PCDH11X: variants seen among roughly 807,000 people sequenced by gnomAD.
The protein encoded by PCDH11X is protocadherin-11 X-linked.
Under a neutral mutation model 53.3 loss-of-function variants are expected in PCDH11X, and 18 were observed. The ratio of observed to expected loss-of-function variants is 0.34; its 90% CI spans 0.23 to 0.50. The LOEUF (loss-of-function observed/expected upper bound fraction) is 0.50. Among genes scored for constraint, PCDH11X ranks in the 20% least tolerant of loss-of-function variants. PCDH11X has a pLI of 0.98. For synonymous variants in PCDH11X, 279 were observed against 393.3 expected, an observed-to-expected ratio of 0.71 and a Z score of 3.44; for missense variants, 570 against 1,032.4, an observed-to-expected ratio of 0.55 and a Z score of 6.14.
chrX:92,186,821 A>C (rs754282071), intron 6 of PCDH11X, among the ~76,000 whole-genome samples: 78 of 110,651 alleles, frequency 7.0e-4, no homozygotes, highest in Non-Finnish European at 1.0e-3. Flanking sequence ...TAAAAGAGAG[A>C]GTTTTGAATG....
intron 8 of PCDH11X, among the ~76,000 whole-genome samples, chrX:92,280,589 A>T (rs1312712700): frequency 3.6e-5 from 4 of 110,305 alleles, no homozygotes; most frequent in Non-Finnish European, 7.6e-5. Context: ...TCATTAACTG[A>T]CATATGAGTA....
intron 6 of PCDH11X, among the ~76,000 whole-genome samples, chrX:91,973,241 G>A (rs1438884431): frequency 2.3e-5 from 2 of 88,847 alleles, no homozygotes; most frequent in Non-Finnish European, 4.3e-5. Flanking sequence ...TGAACAATGA[G>A]ATCACATGGA....
intron 6 of PCDH11X, among the ~76,000 whole-genome samples, chrX:92,023,410 C>T (rs937150935): frequency 4.6e-5 from 5 of 109,148 alleles, no homozygotes; most frequent in South Asian, 4.1e-4. Context: ...ACTAGCAAAC[C>T]GAGAAGAAAT....
chrX:91,867,204 T>C (rs2524518), intron 5 of PCDH11X, among the ~76,000 whole-genome samples: 4 of 111,819 alleles, frequency 3.6e-5, no homozygotes, highest in Non-Finnish European at 7.5e-5. Flanking sequence ...TTATATTCAC[T>C]GCACTTGAAG....
At chrX:91,919,733 T>C (rs1226359706) in intron 6 of PCDH11X, among the ~76,000 whole-genome samples, 1 of 111,184 alleles carries the variant, frequency 9.0e-6, no homozygotes, top group Non-Finnish European at 1.9e-5. Context: ...TATCTCCTTG[T>C]CACATTCTTA....
intron 6 of PCDH11X, among the ~76,000 whole-genome samples, chrX:92,052,917 A>C (rs2063387597): frequency 8.9e-6 from 1 of 111,764 alleles, no homozygotes; most frequent in African/African-American, 3.2e-5. Flanking sequence ...ATTAAAGTCA[A>C]AAAATAAATT....
chrX:92,439,788 A>T (rs2072470620), intron 9 of PCDH11X, among the ~76,000 whole-genome samples: 1 of 104,346 alleles, frequency 9.6e-6, no homozygotes, highest in Non-Finnish European at 2.0e-5. Context: ...CTACTTGTGC[A>T]TTGGAGACAG....
intron 7 of PCDH11X, among the ~76,000 whole-genome samples, chrX:92,237,988 A>G (rs188431041): frequency 7.2e-4 from 81 of 111,727 alleles, no homozygotes; most frequent in African/African-American, 2.5e-3. Context: ...TCAGTCATGA[A>G]CACAGCAAGC....
chrX:92,491,193 A>C (rs1247851723), intron 10 of PCDH11X, among the ~76,000 whole-genome samples: 1 of 110,974 alleles, frequency 9.0e-6, no homozygotes, highest in African/African-American at 3.3e-5. Context: ...AATTTCATTA[A>C]AGTAGTTTAA....
chrX:91,822,605 T>C (rs1347824314), intron 4 of PCDH11X, among the ~76,000 whole-genome samples: 1 of 103,087 alleles, frequency 9.7e-6, no homozygotes, highest in African/African-American at 3.6e-5. Context: ...TCAATTTTGT[T>C]GATCCTTTCA....
intron 7 of PCDH11X, among the ~76,000 whole-genome samples, chrX:92,205,830 A>T (rs1278107617): frequency 9.0e-6 from 1 of 110,604 alleles, no homozygotes; most frequent in African/African-American, 3.3e-5. Flanking sequence ...TGAACTCCTG[A>T]CCTCAGGTGA....
At chrX:92,594,207 G>A (rs1203926158) in intron 10 of PCDH11X, among the ~76,000 whole-genome samples, 2 of 104,244 alleles carry the variant, frequency 1.9e-5, no homozygotes, top group African/African-American at 3.5e-5. Context: ...CAGTTACTTG[G>A]GATTTGTTTT....
At chrX:91,981,319 T>C (rs1206867084) in intron 6 of PCDH11X, among the ~76,000 whole-genome samples, 3 of 109,744 alleles carry the variant, frequency 2.7e-5, no homozygotes, top group Non-Finnish European at 5.7e-5. Context: ...CACTGGTTCC[T>C]ATCTGGGCTA....
At chrX:92,269,912 T>C (rs1214666117) in intron 8 of PCDH11X, among the ~76,000 whole-genome samples, 1 of 111,084 alleles carries the variant, frequency 9.0e-6, no homozygotes, top group African/African-American at 3.3e-5. Flanking sequence ...TTCTGCTTCC[T>C]ACATCCAAAC....
chrX:92,573,477 C>G (rs1406845676), intron 10 of PCDH11X, among the ~76,000 whole-genome samples: 1 of 111,042 alleles, frequency 9.0e-6, no homozygotes, highest in African/African-American at 3.3e-5. Flanking sequence ...GTATCATGAA[C>G]CATGTGCAGC....
At chrX:92,044,260 T>C (rs1306655893) in intron 6 of PCDH11X, among the ~76,000 whole-genome samples, 1 of 104,732 alleles carries the variant, frequency 9.5e-6, no homozygotes, top group Admixed American at 1.1e-4. Context: ...TGAATTGAGA[T>C]GAATACATTC....
intron 6 of PCDH11X, among the ~76,000 whole-genome samples, chrX:91,965,858 G>C (rs1394835212): frequency 9.0e-6 from 1 of 111,463 alleles, no homozygotes; most frequent in Non-Finnish European, 1.9e-5. Context: ...AAACAGCAGG[G>C]GTTTGGTCTA....
chrX:92,212,832 C>T (rs1035291126), intron 7 of PCDH11X, among the ~76,000 whole-genome samples: 4 of 102,592 alleles, frequency 3.9e-5, no homozygotes, highest in African/African-American at 1.4e-4. Flanking sequence ...GTTTTTGAAT[C>T]ACACACTTCA....
chrX:92,299,607 G>A (rs1241497899), intron 8 of PCDH11X, among the ~76,000 whole-genome samples: 2 of 111,529 alleles, frequency 1.8e-5, no homozygotes, highest in African/African-American at 6.5e-5. Context: ...ACATACACAT[G>A]TTCATAATAG....
Sources: allele counts gnomAD v4.1 joint callset (sites outside exome capture counted in the v4.1 genomes callset), GRCh38; gene constraint gnomAD v4.1.1; transcripts MANE v1.5; gene names NCBI Gene and HGNC (gene_info 2026-07-23, HGNC 2026-07-21).